The following SREBF2 variants were observed in gnomAD, a reference collection of about 807,000 sequenced individuals.
SREBF2 encodes the protein sterol regulatory element-binding protein 2.
In SREBF2, 55 loss-of-function variants were observed where a neutral mutation model predicts 113.1. The observed-to-expected ratio is 0.49, with a 90% CI of 0.39 to 0.61. The LOEUF is 0.61. Ranked by LOEUF, SREBF2 falls within the 20% of genes least tolerant of loss-of-function variation. SREBF2 has a pLI of 0.00. For synonymous variants in SREBF2, 593 were observed against 605.7 expected, an observed-to-expected ratio of 0.98 and a Z score of 0.31; for missense variants, 1,349 against 1,487.4, an observed-to-expected ratio of 0.91 and a Z score of 1.53.
rs541538743 is a variant in SREBF2, at chr22:41,851,092, G to T, written c.89-15739G>T. 2.6e-5 allele frequency among the ~76,000 whole-genome samples: 4 copies of T among 152,244 alleles called. No homozygotes were observed. The South Asian group carries it at 6.2e-4, about 24-fold the overall frequency. On this transcript the variant is annotated intron_variant, in intron 1 of 18. Coordinates refer to ENST00000361204, the MANE Select transcript of SREBF2 (RefSeq NM_004599.4). The stretch of plus-strand genomic sequence containing the variant: ...ATATTGGTCTCAGGGTTGATATAAC[G>T]TACTAAGTGGGTATCAGTGGTAGCT...
intron 1 of SREBF2, among the ~76,000 whole-genome samples, chr22:41,835,519 G>A (rs781576078): frequency 1.2e-4 from 18 of 151,834 alleles, no homozygotes; most frequent in South Asian, 2.1e-4. Context: ...CATGTTGGTC[G>A]GGCTGGTCTC....
intron 11 of SREBF2, chr22:41,891,483 C>G (rs2077362158): frequency 6.6e-6 from 1 of 152,206 alleles, no homozygotes; most frequent in Non-Finnish European, 1.5e-5. Context: ...TTCTCTCAGA[C>G]TCAGGCAGTG....
intron 11 of SREBF2, among the ~76,000 whole-genome samples, chr22:41,892,159 G>A (rs2077369994): frequency 6.6e-6 from 1 of 152,180 alleles, no homozygotes; most frequent in Non-Finnish European, 1.5e-5. Context: ...TCAACCACCT[G>A]CACACAGATA....
chr22:41,906,140 T>C lies in SREBF2; in HGVS notation c.*480T>C. 4 of 384,780 alleles carry C rather than the reference T, an allele frequency of 1.0e-5. No individual in the cohort carries two copies. Among genetic ancestry groups the C allele is most frequent in the East Asian group, 7.2e-5 (1 of 13,894 alleles). The allele number at this position is 384,780 out of a possible 1,614,324, so 23.8% of individuals were successfully genotyped here. The stretch of plus-strand genomic sequence containing the variant: ...ACCAGTGTGCTTGGGTTTGCCATGA[T>C]GCGAGGCTGAGTTGCTGTAGCGTCT... On this transcript the variant is annotated 3_prime_UTR_variant, in exon 19 of 19. Transcript: ENST00000361204.
chr22:41,840,282 GTAAC>G (rs1402090445), intron 1 of SREBF2, among the ~76,000 whole-genome samples: 1 of 152,076 alleles, frequency 6.6e-6, no homozygotes, highest in Non-Finnish European at 1.5e-5. Context: ...CTATGTTCCT[GTAAC>G]TAATTTGCCC....
intron 1 of SREBF2, among the ~76,000 whole-genome samples, chr22:41,862,844 C>T (rs774855111): frequency 1.3e-5 from 2 of 152,184 alleles, no homozygotes; most frequent in African/African-American, 4.8e-5. Context: ...CCCGGCTGCC[C>T]GGCTGACTGG....
chr22:41,901,579 T>G (rs953344304), intron 16 of SREBF2, among the ~76,000 whole-genome samples: 1 of 152,088 alleles, frequency 6.6e-6, no homozygotes, highest in African/African-American at 2.4e-5. Context: ...AAGAATCACT[T>G]GAACCCAGGA....
Position 41,882,887 on chromosome 22 carries a change from T to C in SREBF2, c.2038+1895T>C, listed in dbSNP as rs188787174. Among the ~76,000 whole-genome samples the C allele has an allele frequency of 2.6e-5, 4 of 152,294 alleles. No individual in the cohort carries two copies. In the East Asian group the frequency reaches 7.7e-4, roughly 29 times the overall value. On this transcript the variant is annotated intron_variant, in intron 10 of 18. Transcript: ENST00000361204. ...GGGAGGTCAAGGAAGGAAGGTCGCT[T>C]GAGCCCAGGAGTTTCCCATCAGCCT...
intron 1 of SREBF2, chr22:41,834,321 G>A (rs2076748169): frequency 7.2e-6 from 1 of 139,318 alleles, no homozygotes. Context: ...GCCCCAAAAT[G>A]CTTTGTATTA....
chr22:41,834,977 AAGTG>A (rs1400099396), intron 1 of SREBF2, among the ~76,000 whole-genome samples: 8 of 152,110 alleles, frequency 5.3e-5, no homozygotes, highest in African/African-American at 7.2e-5. Flanking sequence ...CTGATCCTGA[AAGTG>A]AGGCCCAGGG....
intron 15 of SREBF2, chr22:41,899,275 C>T (rs1038799652): frequency 3.9e-5 from 42 of 1,065,226 alleles, no homozygotes; most frequent in Non-Finnish European, 4.5e-5. Flanking sequence ...CAACTTTGTC[C>T]TGTAACTAAA....
In SREBF2 at chr22:41,902,974, T is replaced by C; in HGVS notation, c.2912T>C (p.Val971Ala). 1 of 1,609,960 alleles carries C rather than the reference T, an allele frequency of 6.2e-7. No homozygotes were observed. ...ATSDPALNHV[V>A]QLLTCDLLLS... is the part of the protein sequence containing the mutation. ...CTCTCGTGGCTGACCCCACAGGTGG[T>C]CCAGCTGCTCACCTGTGACCTGCTA... Residue 971 changes from valine to alanine, a missense_variant, in exon 17 of 19, where the codon GTC (valine) becomes GCC (alanine). Coordinates refer to ENST00000361204, the MANE Select transcript of SREBF2 (RefSeq NM_004599.4).
At chr22:41,853,693 A>T (rs1261533709) in intron 1 of SREBF2, among the ~76,000 whole-genome samples, 2 of 152,190 alleles carry the variant, frequency 1.3e-5, no homozygotes, top group African/African-American at 4.8e-5. Flanking sequence ...ACTTTTAAAA[A>T]TATCTTATTC....
intron 1 of SREBF2, among the ~76,000 whole-genome samples, chr22:41,856,111 C>G (rs773456593): frequency 4.0e-5 from 6 of 151,592 alleles, no homozygotes; most frequent in Non-Finnish European, 7.4e-5. Context: ...GTCTTATTTC[C>G]AAGTTTTAGT....
chr22:41,896,101 A>G (rs1251471597), intron 13 of SREBF2, among the ~76,000 whole-genome samples: 1 of 151,458 alleles, frequency 6.6e-6, no homozygotes, highest in African/African-American at 2.4e-5. Flanking sequence ...AGATTGCGCC[A>G]CTGCACTCCA....
intron 9 of SREBF2, 66 bp from the exon 10 acceptor site, chr22:41,880,650 A>C (rs1897424691): frequency 1.9e-6 from 3 of 1,598,488 alleles, no homozygotes; most frequent in East Asian, 2.2e-5. Context: ...GGGGAGTAGA[A>C]GTCTATATCA....
At chr22:41,900,037 C>A (rs1602348992) in intron 15 of SREBF2, 1 of 1,334,642 alleles carries the variant, frequency 7.5e-7, no homozygotes, top group East Asian at 3.3e-5. Context: ...AACTGAGGCA[C>A]ACGTTGGAAT....
intron 13 of SREBF2, among the ~76,000 whole-genome samples, chr22:41,896,513 C>T (rs2077418135): frequency 1.3e-5 from 2 of 152,178 alleles, no homozygotes; most frequent in African/African-American, 4.8e-5. Flanking sequence ...GCACGCGCCA[C>T]CATGCCCGAC....
At chr22:41,896,961 G>A (rs1370610229) in intron 13 of SREBF2, 91 bp from the exon 14 acceptor site, 4 of 873,456 alleles carry the variant, frequency 4.6e-6, no homozygotes, top group Non-Finnish European at 7.5e-6. Context: ...TGGCCATTGG[G>A]TCTTAGAGCT....
Sources: gnomAD v4.1 joint callset for allele counts (sites outside exome capture counted in the v4.1 genomes callset) on GRCh38, gnomAD v4.1.1 for gene constraint, MANE v1.5 for transcripts, NCBI Gene and HGNC (gene_info 2026-07-23, HGNC 2026-07-21) for gene names.